Variants in PLCB4 observed in about 807,000 individuals in gnomAD.
The protein encoded by PLCB4 is 1-phosphatidylinositol 4,5-bisphosphate phosphodiesterase beta-4.
PLCB4 carries 77 observed loss-of-function variants against 178.8 expected under a neutral mutation model. The observed-to-expected ratio is 0.43, with a 90% CI of 0.36 to 0.52. PLCB4 has a LOEUF of 0.52. Among genes scored for constraint, PLCB4 ranks in the 20% least tolerant of loss-of-function variants. The pLI, the probability that PLCB4 is intolerant of heterozygous loss-of-function variation, is 0.00. For synonymous variants in PLCB4, 496 were observed against 490.8 expected (o/e 1.01, Z -0.14); for missense variants, 1,024 against 1,453.4 (o/e 0.70, Z 4.80).
intron 2 of PLCB4, among the ~76,000 whole-genome samples, chr20:9,098,651 T>A (rs1230113133): frequency 1.3e-5 from 2 of 151,000 alleles, no homozygotes; most frequent in Non-Finnish European, 2.9e-5. Context: ...TATACGTATA[T>A]ATGTTAGTCT....
At chr20:9,272,760 A>G (rs1050830458) in intron 3 of PLCB4, among the ~76,000 whole-genome samples, 1 of 152,042 alleles carries the variant, frequency 6.6e-6, no homozygotes, top group African/African-American at 2.4e-5. Flanking sequence ...CTTAAAATGA[A>G]AAGATGTTCT....
intron 2 of PLCB4, among the ~76,000 whole-genome samples, chr20:9,156,997 A>T (rs2146961502): frequency 6.6e-6 from 1 of 151,824 alleles, no homozygotes; most frequent in East Asian, 1.9e-4. Context: ...GCTTGGCTGG[A>T]CCTCACGGAT....
rs74972527 is a variant in PLCB4 at position 9,379,261 on chromosome 20, C to T, written c.745-793C>T. 5.5e-3 allele frequency among the ~76,000 whole-genome samples: 841 copies of T among 152,196 alleles called. 3 individuals carry two copies. The highest frequency in any genetic ancestry group is 0.019 in the African/African-American group (792 of 41,538). On this transcript the variant is annotated intron_variant, in intron 12 of 39. Coordinates refer to ENST00000378473, the MANE Select transcript of PLCB4 (RefSeq NM_001377142.1). Reference sequence around the variant, plus strand: ...TAAGTTAGTAAACTGGGTTTTTCATCATTGCCATGAAGTTAGGATGATACC... The same window carrying T: ...TAAGTTAGTAAACTGGGTTTTTCATTATTGCCATGAAGTTAGGATGATACC...
intron 3 of PLCB4, among the ~76,000 whole-genome samples, chr20:9,300,960 C>T (rs529611618): frequency 6.6e-6 from 1 of 152,058 alleles, no homozygotes; most frequent in East Asian, 2.0e-4. Context: ...TTTTCAGGGC[C>T]ACATTTCCTC....
At chr20:9,455,277 G>A (rs181590551) in intron 33 of PLCB4, among the ~76,000 whole-genome samples, 9 of 151,962 alleles carry the variant, frequency 5.9e-5, no homozygotes, top group East Asian at 1.9e-4. Flanking sequence ...TTTGTGGATC[G>A]GTGTATTTAG....
chr20:9,162,740 T>A (rs1469512997), intron 2 of PLCB4, among the ~76,000 whole-genome samples: 1 of 152,178 alleles, frequency 6.6e-6, no homozygotes, highest in African/African-American at 2.4e-5. Flanking sequence ...ATTGTAAATG[T>A]GAATAATAAA....
chr20:9,424,301 T>A (rs1453500180), intron 28 of PLCB4, among the ~76,000 whole-genome samples: 1 of 152,184 alleles, frequency 6.6e-6, no homozygotes, highest in South Asian at 2.1e-4. Flanking sequence ...AGATATCTTA[T>A]CAATAGTATC....
intron 4 of PLCB4, among the ~76,000 whole-genome samples, chr20:9,320,980 A>C (rs2094953401): frequency 6.6e-6 from 1 of 152,234 alleles, no homozygotes; most frequent in Non-Finnish European, 1.5e-5. Context: ...AAGGAATTGT[A>C]GACTTACTAG....
At chr20:9,191,342 G>A (rs1272889315) in intron 2 of PLCB4, among the ~76,000 whole-genome samples, 1 of 137,856 alleles carries the variant, frequency 7.3e-6, no homozygotes, top group Admixed American at 7.6e-5. Context: ...GAACTAGATA[G>A]GCATTTTTTT....
intron 28 of PLCB4, among the ~76,000 whole-genome samples, chr20:9,424,756 C>T (rs2040878350): frequency 6.6e-6 from 1 of 152,126 alleles, no homozygotes; most frequent in Admixed American, 6.6e-5. Flanking sequence ...CATTAGAGTA[C>T]ATGATATAGC....
chr20:9,299,254 T>G (rs919950464), intron 3 of PLCB4, among the ~76,000 whole-genome samples: 9 of 152,154 alleles, frequency 5.9e-5, no homozygotes, highest in African/African-American at 1.9e-4. Flanking sequence ...CTAATTTATA[T>G]GAAAAGAAAC....
chr20:9,338,814 T>G, intron 6 of PLCB4, 80 bp from the exon 7 acceptor site: 2 of 1,043,318 alleles, frequency 1.9e-6, no homozygotes, highest in Non-Finnish European at 2.8e-6. Flanking sequence ...ACATTAAATG[T>G]GGTTTCTTTT....
intron 38 of PLCB4, among the ~76,000 whole-genome samples, chr20:9,476,240 A>G (rs1320263125): frequency 4.6e-5 from 7 of 152,202 alleles, no homozygotes; most frequent in African/African-American, 1.7e-4. Flanking sequence ...TTGGTCAGCC[A>G]ACTATTCACT....
chr20:9,297,372 G>A (rs927096920), intron 3 of PLCB4, among the ~76,000 whole-genome samples: 2 of 152,004 alleles, frequency 1.3e-5, no homozygotes, highest in African/African-American at 4.8e-5. Context: ...TCAGGGGAAA[G>A]GGTCAGAGTG....
intron 3 of PLCB4, among the ~76,000 whole-genome samples, chr20:9,231,062 G>A (rs772559022): frequency 9.2e-5 from 14 of 152,088 alleles, no homozygotes; most frequent in Admixed American, 1.3e-4. Context: ...ATTTATGGGT[G>A]GTACTTCTGT....
intron 2 of PLCB4, among the ~76,000 whole-genome samples, chr20:9,206,299 C>CTTTTTT (rs71184138): frequency 4.5e-4 from 43 of 96,098 alleles, no homozygotes; most frequent in Non-Finnish European, 5.8e-4. Context: ...TTTCTTTTTT[C>CTTTTTT]TTTTTTTTTT....
At chr20:9,074,495 T>C (rs1045084035) in intron 1 of PLCB4, among the ~76,000 whole-genome samples, 1 of 152,194 alleles carries the variant, frequency 6.6e-6, no homozygotes, top group African/African-American at 2.4e-5. Flanking sequence ...TTCTCTTTCA[T>C]AGGGGTAGAT....
chr20:9,098,716 CGT>C (rs1206648946), intron 2 of PLCB4, among the ~76,000 whole-genome samples: 25 of 132,600 alleles, frequency 1.9e-4, no homozygotes, highest in South Asian at 7.7e-4. Context: ...TACATATATA[CGT>C]GTGTGTGTAT....
intron 4 of PLCB4, among the ~76,000 whole-genome samples, chr20:9,308,484 A>G (rs950617270): frequency 6.6e-6 from 1 of 152,190 alleles, no homozygotes; most frequent in African/African-American, 2.4e-5. Flanking sequence ...CCTCATTTGC[A>G]TTGTAAATGC....
Sources: gnomAD v4.1 joint callset for allele counts (sites outside exome capture counted in the v4.1 genomes callset) on GRCh38, gnomAD v4.1.1 for gene constraint, MANE v1.5 for transcripts, NCBI Gene and HGNC (gene_info 2026-07-23, HGNC 2026-07-21) for gene names.